The following GRAMD1C variants were observed in gnomAD, a reference collection of about 807,000 sequenced individuals.
GRAMD1C encodes the protein GRAM domain containing 1C.
A neutral mutation model predicts 97.8 loss-of-function variants in GRAMD1C; 89 were observed. The ratio of observed to expected loss-of-function variants is 0.91; its 90% confidence interval spans 0.77 to 1.09. The LOEUF is 1.09. Among genes scored for constraint, GRAMD1C ranks in the 50% least tolerant of loss-of-function variants. GRAMD1C has a pLI of 0.00. For synonymous variants in GRAMD1C, 256 were observed against 267.0 expected (o/e 0.96, Z 0.40); for missense variants, 740 against 766.4 (o/e 0.97, Z 0.41).
intron 17 of GRAMD1C, among the ~76,000 whole-genome samples, chr3:113,944,734 C>T (rs1937987340): frequency 6.6e-6 from 1 of 152,172 alleles, no homozygotes; most frequent in Non-Finnish European, 1.5e-5. Context: ...CTATTTGGTT[C>T]TCCATTGTAT....
intron 12 of GRAMD1C, 133 bp from the exon 13 acceptor site, chr3:113,934,299 A>G: frequency 3.5e-6 from 2 of 568,758 alleles, no homozygotes; most frequent in South Asian, 2.5e-5. Context: ...CAATGAACAC[A>G]TTTTCTTTTA....
chr3:113,919,481 T>A (rs1936957462), intron 10 of GRAMD1C: 1 of 525,274 alleles, frequency 1.9e-6, no homozygotes, highest in African/African-American at 1.9e-5. Flanking sequence ...TGCTCATGAA[T>A]TTATAAACCT....
At chr3:113,927,260 A>T (rs1559819756) in intron 10 of GRAMD1C, among the ~76,000 whole-genome samples, 2 of 151,900 alleles carry the variant, frequency 1.3e-5, no homozygotes, top group Non-Finnish European at 2.9e-5. Flanking sequence ...TGAAAAGGGA[A>T]AGTGATGACC....
chr3:113,897,064 A>C (rs1345093218), intron 6 of GRAMD1C, among the ~76,000 whole-genome samples: 1 of 152,176 alleles, frequency 6.6e-6, no homozygotes, highest in Non-Finnish European at 1.5e-5. Flanking sequence ...TGCTTAGTAG[A>C]ATTATTCCAC....
rs1938113684 is a variant in GRAMD1C, at chr3:113,946,847, G to T, written c.*1369G>T. On this transcript the variant is annotated 3_prime_UTR_variant, in exon 18 of 18. Coordinates refer to ENST00000358160, the MANE Select transcript of GRAMD1C (RefSeq NM_017577.5). Reference sequence around the variant, plus strand: ...TTAGAGGGAAAATGGGTTTCTCTGGGTGAATTCCAACGAAGCATACCTAGG... The same window carrying T: ...TTAGAGGGAAAATGGGTTTCTCTGGTTGAATTCCAACGAAGCATACCTAGG... 6.6e-6 allele frequency: 1 copy of T among 152,176 alleles called. No homozygotes were observed. The highest frequency in any genetic ancestry group is 1.5e-5 in the Non-Finnish European group (1 of 68,040). The allele number at this position is 152,176 out of a possible 1,614,324, so 9.4% of individuals were successfully genotyped here. A position where few individuals can be genotyped will look rare whatever the true frequency, so the allele number is the denominator to read the frequency against.
intron 6 of GRAMD1C, among the ~76,000 whole-genome samples, chr3:113,897,976 C>G (rs1054464455): frequency 6.6e-6 from 1 of 152,038 alleles, no homozygotes; most frequent in Non-Finnish European, 1.5e-5. Context: ...TTTATGAAAA[C>G]TGGACAACTT....
At chr3:113,898,838 T>C (rs977360418) in intron 6 of GRAMD1C, among the ~76,000 whole-genome samples, 13 of 152,172 alleles carry the variant, frequency 8.5e-5, no homozygotes, top group African/African-American at 3.1e-4. Context: ...TCTGATAATA[T>C]CTGATGATAA....
At chr3:113,864,408 C>T (rs573260160) in intron 2 of GRAMD1C, among the ~76,000 whole-genome samples, 31 of 152,276 alleles carry the variant, frequency 2.0e-4, no homozygotes, top group African/African-American at 7.0e-4. Flanking sequence ...GCCACCGCGC[C>T]GGCCTATTTT....
intron 5 of GRAMD1C, 114 bp from the exon 6 acceptor site, chr3:113,882,638 G>A: frequency 1.6e-6 from 1 of 630,064 alleles, no homozygotes; most frequent in South Asian, 2.1e-5. Flanking sequence ...AAAGTAGGCA[G>A]TGTTGACCTA....
rs1005631595 is a variant in GRAMD1C, at chr3:113,945,619, A to G, written c.*141A>G. ...GATTTCTAATATGAACATTTCTTTC[A>G]GTAACATTTATTTGATAATTAGTTT... On this transcript the variant is annotated 3_prime_UTR_variant, in exon 18 of 18. Coordinates refer to ENST00000358160, the MANE Select transcript of GRAMD1C (RefSeq NM_017577.5). The G allele has an allele frequency of 3.5e-6, 2 of 574,120 alleles. No individual in the cohort carries two copies. The highest frequency in any genetic ancestry group is 7.2e-5 in the Admixed American group (2 of 27,934). The allele number at this position is 574,120 out of a possible 1,614,324, so 35.6% of individuals were successfully genotyped here.
intron 2 of GRAMD1C, among the ~76,000 whole-genome samples, chr3:113,863,841 TCTG>T (rs574134165): frequency 6.6e-6 from 1 of 152,126 alleles, no homozygotes; most frequent in Non-Finnish European, 1.5e-5. Flanking sequence ...ACCCCACATT[TCTG>T]CTGAGCATTA....
At chr3:113,885,650 G>A in intron 6 of GRAMD1C, 2 of 1,511,320 alleles carry the variant, frequency 1.3e-6, no homozygotes, top group African/African-American at 1.4e-5. Flanking sequence ...ATTTCTTCCT[G>A]GAAGTGGTGA....
rs1023407771 is a variant in GRAMD1C, at chr3:113,885,526, C to G, written c.540+2694C>G. On this transcript the variant is annotated intron_variant, in intron 6 of 17. Coordinates refer to ENST00000358160, the MANE Select transcript of GRAMD1C (RefSeq NM_017577.5). ...GGATGAGACACTTATTCACTCCCAC[C>G]ATGATGGGGTCCTGAGGCCGCAGTC... The G allele has an allele frequency of 8.7e-6, 14 of 1,606,158 alleles. No homozygotes were observed. In the African/African-American group the frequency reaches 1.6e-4, roughly 18 times the overall value.
intron 13 of GRAMD1C, among the ~76,000 whole-genome samples, chr3:113,934,869 G>A (rs946755204): frequency 7.2e-5 from 11 of 152,000 alleles, no homozygotes; most frequent in African/African-American, 1.4e-4. Flanking sequence ...TCAGCTTCCC[G>A]AGTAGCTGGG....
intron 6 of GRAMD1C, among the ~76,000 whole-genome samples, chr3:113,886,400 C>G (rs1027283033): frequency 6.6e-6 from 1 of 152,070 alleles, no homozygotes; most frequent in Non-Finnish European, 1.5e-5. Flanking sequence ...TGTTGTGATT[C>G]GATTTTTTTA....
At chr3:113,855,706 A>G (rs76584382) in intron 2 of GRAMD1C, among the ~76,000 whole-genome samples, 3 of 142,556 alleles carry the variant, frequency 2.1e-5, no homozygotes, top group African/African-American at 8.0e-5. Flanking sequence ...TCTGTCTCAG[A>G]AAAAAAAAAA....
intron 4 of GRAMD1C, 146 bp from the exon 5 acceptor site, chr3:113,876,019 G>A (rs966009455): frequency 1.7e-6 from 1 of 588,864 alleles, no homozygotes; most frequent in Non-Finnish European, 3.0e-6. Context: ...ATACAAGCGT[G>A]TACTTATTAA....
chr3:113,936,591 G>A, intron 14 of GRAMD1C, 149 bp downstream of exon 14: 1 of 549,990 alleles, frequency 1.8e-6, no homozygotes, highest in East Asian at 3.0e-5. Flanking sequence ...TTTCCTTTAA[G>A]ATAACTAATA....
In GRAMD1C at chr3:113,853,209, C is replaced by T. The variant is rs79102424; in HGVS notation, c.174+8560C>T. On this transcript the variant is annotated intron_variant, in intron 2 of 17. Transcript: ENST00000358160. ...TGAAAAATATGGTCACTGAAATAAT[C>T]GTAATTAAAGAATGCAGTGGGCTTG... 8.9e-3 allele frequency among the ~76,000 whole-genome samples: 1,348 copies of T among 152,058 alleles called. 12 individuals are homozygous for T. Among genetic ancestry groups the T allele is most frequent in the African/African-American group, 0.031 (1,293 of 41,472 alleles).
Sources: allele counts gnomAD v4.1 joint callset (sites outside exome capture counted in the v4.1 genomes callset), GRCh38; gene constraint gnomAD v4.1.1; transcripts MANE v1.5; gene names NCBI Gene and HGNC (gene_info 2026-07-23, HGNC 2026-07-21).